CCDC91: variants seen among roughly 807,000 people sequenced by gnomAD.
CCDC91 encodes the protein coiled-coil domain containing 91.
A neutral mutation model predicts 63.2 loss-of-function variants in CCDC91; 48 were observed. The observed-to-expected ratio is 0.76, with a 90% CI of 0.60 to 0.97. CCDC91 has a LOEUF of 0.97. Ranked by LOEUF, CCDC91 falls within the 50% of genes least tolerant of loss-of-function variation. The pLI is 0.00. For synonymous variants in CCDC91, 167 were observed against 165.8 expected (o/e 1.01, Z -0.06); for missense variants, 500 against 494.6 (o/e 1.01, Z -0.10).
chr12:28,352,482 G>A (rs960505934), intron 6 of CCDC91, among the ~76,000 whole-genome samples: 7 of 152,070 alleles, frequency 4.6e-5, no homozygotes, highest in Non-Finnish European at 7.4e-5. Context: ...AATCCCTGGC[G>A]GCCATTTCAA....
chr12:28,394,733 C>CT (rs1946185242), intron 8 of CCDC91, among the ~76,000 whole-genome samples: 1 of 97,964 alleles, frequency 1.0e-5, no homozygotes, highest in Non-Finnish European at 2.8e-5. Flanking sequence ...TCTCTCTCTC[C>CT]CCCTTTTTCA....
At chr12:28,393,403 C>T (rs1241633554) in intron 8 of CCDC91, among the ~76,000 whole-genome samples, 1 of 150,104 alleles carries the variant, frequency 6.7e-6, no homozygotes, top group Non-Finnish European at 1.5e-5. Context: ...TACTAGCCTG[C>T]CTTTGTAAAG....
chr12:28,267,072 A>G lies in CCDC91; in HGVS notation c.109+7630A>G, dbSNP rs147958426. Among the ~76,000 whole-genome samples, 1,112 of 151,958 alleles carry G rather than the reference A, an allele frequency of 7.3e-3. 5 individuals are homozygous for G. The highest frequency in any genetic ancestry group is 0.01 in the Non-Finnish European group (712 of 67,882). On this transcript the variant is annotated intron_variant, in intron 3 of 12. Coordinates refer to ENST00000536442, the MANE Select transcript of CCDC91 (RefSeq NM_018318.5). ...GAGAGACACACGTATGTACATATAT[A>G]TATATAGTATAAGGGTATGAAAGAA...
intron 8 of CCDC91, among the ~76,000 whole-genome samples, chr12:28,395,016 G>A (rs1946202642): frequency 6.6e-6 from 1 of 152,138 alleles, no homozygotes; most frequent in South Asian, 2.1e-4. Flanking sequence ...GTAATTCTTA[G>A]CTAAGACTGT....
chr12:28,348,093 G>T (rs1942937087), intron 6 of CCDC91, among the ~76,000 whole-genome samples: 1 of 152,202 alleles, frequency 6.6e-6, no homozygotes, highest in Non-Finnish European at 1.5e-5. Context: ...GACATTATGG[G>T]CTGCACAGTG....
At chr12:28,339,821 T>C (rs1199752802) in intron 6 of CCDC91, among the ~76,000 whole-genome samples, 5 of 152,114 alleles carry the variant, frequency 3.3e-5, no homozygotes, top group South Asian at 4.1e-4. Context: ...CAGGTTTGAA[T>C]CTCACTTCAA....
chr12:28,236,089 C>T (rs189769512), intron 1 of CCDC91: 1 of 152,154 alleles, frequency 6.6e-6, no homozygotes, highest in East Asian at 1.9e-4. Flanking sequence ...TCAAAATTCA[C>T]TGAGTTTGTG....
intron 8 of CCDC91, among the ~76,000 whole-genome samples, chr12:28,394,441 G>A (rs146568450): frequency 0.011 from 1,625 of 151,994 alleles, 33 homozygotes; most frequent in African/African-American, 0.037. Flanking sequence ...ACTCCAGCCT[G>A]GGCGACAGAG....
At chr12:28,434,594 GTTT>G (rs376645678) in intron 8 of CCDC91, among the ~76,000 whole-genome samples, 22 of 73,436 alleles carry the variant, frequency 3.0e-4, no homozygotes, top group African/African-American at 1.1e-3. Flanking sequence ...CCTTGGTCTG[GTTT>G]TTTTTTTTTT....
chr12:28,386,618 C>T (rs1397590440), intron 7 of CCDC91, among the ~76,000 whole-genome samples: 15 of 152,126 alleles, frequency 9.9e-5, no homozygotes, highest in African/African-American at 7.2e-5. Context: ...CCGCCCGCCT[C>T]GGCCTCCCAA....
chr12:28,422,729 T>C (rs1948084877), intron 8 of CCDC91, among the ~76,000 whole-genome samples: 1 of 152,152 alleles, frequency 6.6e-6, no homozygotes, highest in Admixed American at 6.6e-5. Context: ...CTGAAATCTG[T>C]TACAAAATAA....
At chr12:28,209,842 A>G (rs1238403303) in intron 1 of CCDC91, among the ~76,000 whole-genome samples, 2 of 152,216 alleles carry the variant, frequency 1.3e-5, no homozygotes, top group Non-Finnish European at 2.9e-5. Flanking sequence ...ATGCTTTCTT[A>G]TAATCTTTTA....
chr12:28,249,649 C>T (rs1945990772), intron 1 of CCDC91, among the ~76,000 whole-genome samples: 1 of 151,842 alleles, frequency 6.6e-6, no homozygotes, highest in Non-Finnish European at 1.5e-5. Flanking sequence ...ACTTTGCATG[C>T]ACACTAAATT....
At chr12:28,544,119 C>T (rs891531285) in intron 12 of CCDC91, among the ~76,000 whole-genome samples, 2 of 151,900 alleles carry the variant, frequency 1.3e-5, no homozygotes, top group Admixed American at 1.3e-4. Context: ...TCTCCAATGT[C>T]TTCCCATCAA....
intron 7 of CCDC91, among the ~76,000 whole-genome samples, chr12:28,365,304 T>A (rs1944202510): frequency 6.6e-6 from 1 of 152,194 alleles, no homozygotes; most frequent in Non-Finnish European, 1.5e-5. Context: ...CCTCCTTAGT[T>A]ACCAGTATTG....
At chr12:28,359,621 A>G (rs1382019874) in intron 6 of CCDC91, among the ~76,000 whole-genome samples, 3 of 152,112 alleles carry the variant, frequency 2.0e-5, no homozygotes, top group African/African-American at 7.2e-5. Flanking sequence ...AATTTGTTTG[A>G]CTATGGTAGC....
chr12:28,522,475 T>A (rs1940799399), intron 12 of CCDC91, among the ~76,000 whole-genome samples: 1 of 152,208 alleles, frequency 6.6e-6, no homozygotes, highest in African/African-American at 2.4e-5. Flanking sequence ...TTCTTCTTTA[T>A]TAGTGTTGAT....
At chr12:28,343,346 C>T (rs1942579197) in intron 6 of CCDC91, among the ~76,000 whole-genome samples, 1 of 151,846 alleles carries the variant, frequency 6.6e-6, no homozygotes. Flanking sequence ...AGCCATATAT[C>T]ATATGTATAT....
intron 1 of CCDC91, among the ~76,000 whole-genome samples, chr12:28,252,636 G>A (rs1946197959): frequency 6.6e-6 from 1 of 152,008 alleles, no homozygotes; most frequent in South Asian, 2.1e-4. Context: ...ATTCATGGAT[G>A]AACTATCTTC....
Sources: gnomAD v4.1 joint callset for allele counts (sites outside exome capture counted in the v4.1 genomes callset) on GRCh38, gnomAD v4.1.1 for gene constraint, MANE v1.5 for transcripts, NCBI Gene and HGNC (gene_info 2026-07-23, HGNC 2026-07-21) for gene names.